Variants in UNC13B observed in about 807,000 individuals in gnomAD.
UNC13B encodes the protein protein unc-13 homolog B.
Under a neutral mutation model 211.0 loss-of-function variants are expected in UNC13B, and 144 were observed. The observed-to-expected ratio is 0.68, with a 90% confidence interval of 0.60 to 0.78. The LOEUF (loss-of-function observed/expected upper bound fraction) is 0.78. Among genes scored for constraint, UNC13B ranks in the 30% least tolerant of loss-of-function variants. The probability of loss-of-function intolerance (pLI) is 0.00; values close to 1 mark genes in which losing one functional copy is unlikely to be tolerated. For synonymous variants in UNC13B, 709 were observed against 725.8 expected (o/e 0.98, Z 0.37); for missense variants, 1,777 against 2,002.0 (o/e 0.89, Z 2.14).
intron 1 of UNC13B, among the ~76,000 whole-genome samples, chr9:35,219,384 A>G (rs1248777491): frequency 6.6e-6 from 1 of 152,148 alleles, no homozygotes; most frequent in Non-Finnish European, 1.5e-5. Flanking sequence ...TGCTAAATTT[A>G]TAGAAAACCA....
chr9:35,256,007 T>G (rs756075709), intron 6 of UNC13B, among the ~76,000 whole-genome samples: 22 of 152,226 alleles, frequency 1.4e-4, no homozygotes, highest in Non-Finnish European at 3.2e-4. Flanking sequence ...AGAAGCAAGA[T>G]GGAACTGGTT....
At chr9:35,352,500 A>G (rs757595545) in intron 11 of UNC13B, 259 of 1,231,992 alleles carry the variant, frequency 2.1e-4, no homozygotes, top group Non-Finnish European at 2.6e-4. Flanking sequence ...TTTCAACAAC[A>G]ACATCAGGAT....
intron 12 of UNC13B, 67 bp downstream of exon 12, chr9:35,367,060 C>G (rs1833819028): frequency 6.7e-7 from 1 of 1,502,932 alleles, no homozygotes; most frequent in African/African-American, 1.4e-5. Flanking sequence ...TAGCTTTTCC[C>G]CTGGGAAGCA....
chr9:35,218,183 A>G (rs1030968566), intron 1 of UNC13B, among the ~76,000 whole-genome samples: 2 of 152,188 alleles, frequency 1.3e-5, no homozygotes, highest in African/African-American at 4.8e-5. Context: ...CTAAGAGCCA[A>G]GGGAAAAGAG....
At chr9:35,339,360 A>T (rs1280432228) in intron 11 of UNC13B, among the ~76,000 whole-genome samples, 1 of 152,158 alleles carries the variant, frequency 6.6e-6, no homozygotes, top group African/African-American at 2.4e-5. Context: ...CCAGGGCCAG[A>T]TCCACTGTGA....
At chr9:35,247,763 T>G in intron 6 of UNC13B, among the ~76,000 whole-genome samples, 1 of 152,204 alleles carries the variant, frequency 6.6e-6, no homozygotes, top group East Asian at 1.9e-4. Context: ...TGTCAGTATT[T>G]TATTAAGGAT....
chr9:35,386,067 G>A (rs1835167525), intron 23 of UNC13B, 98 bp from the exon 24 acceptor site: 4 of 1,554,578 alleles, frequency 2.6e-6, no homozygotes, highest in African/African-American at 1.4e-5. Flanking sequence ...ACCCAGACAG[G>A]GATGAAAGAA....
intron 12 of UNC13B, among the ~76,000 whole-genome samples, chr9:35,369,677 T>C (rs1208387318): frequency 3.3e-5 from 5 of 152,178 alleles, no homozygotes; most frequent in African/African-American, 1.2e-4. Context: ...AATGGTGTTT[T>C]GTTTTGTTTT....
rs1176383206 is a variant in UNC13B at position 35,396,593 on chromosome 9, A to C, written c.11426A>C (p.Glu3809Ala). The change falls in exon 27 of 40, where the codon GAG (glutamate) becomes GCG (alanine). Residue 3809 changes from glutamate to alanine, a missense_variant. Physicochemically the swap from Glu to Ala is moderately radical, Grantham distance 107 (BLOSUM62 -1). Coordinates refer to ENST00000635942, the MANE Select transcript of UNC13B (RefSeq NM_001371189.2). ...CCTGTCCTCCAGGGGCAGGTGCCTG[A>C]GTACCCAGCGTGAGTCATCATGTGG... is the stretch of plus-strand genomic sequence containing the variant. ...DLPVLQGQVPEYPAWFEQFVL... is the reference protein window; with the variant it reads ...DLPVLQGQVPAYPAWFEQFVL... 6.2e-7 allele frequency: 1 copy of C among 1,613,814 alleles called. No individual in the cohort carries two copies. The highest frequency in any genetic ancestry group is 8.5e-7 in the Non-Finnish European group (1 of 1,180,000).
chr9:35,164,825 A>C (rs941616722), intron 1 of UNC13B, among the ~76,000 whole-genome samples: 12 of 152,228 alleles, frequency 7.9e-5, no homozygotes, highest in Middle Eastern at 3.2e-3. Context: ...CCCAGTCCAC[A>C]GTGATCTCTT....
Position 35,201,423 on chromosome 9 carries a change from T to C in UNC13B, c.23-26592T>C, listed in dbSNP as rs897468424. On this transcript the variant is annotated intron_variant, in intron 1 of 39. Transcript: ENST00000635942. ...TCAGAAGGAATGGTACCAGCTTCTC[T>C]TTGTACCTCTGGTAGAATTCAGCTG... Among the ~76,000 whole-genome samples the C allele has an allele frequency of 6.4e-4, 98 of 152,298 alleles. 1 individual carries two copies. The highest frequency in any genetic ancestry group is 2.2e-3 in the African/African-American group (92 of 41,570).
intron 11 of UNC13B, among the ~76,000 whole-genome samples, chr9:35,334,245 CG>C (rs1831528996): frequency 6.6e-6 from 1 of 152,180 alleles, no homozygotes. Context: ...GGATTGCAGG[CG>C]TGAGCCACTG....
chr9:35,213,612 T>G (rs948859164), intron 1 of UNC13B, among the ~76,000 whole-genome samples: 2 of 152,190 alleles, frequency 1.3e-5, no homozygotes, highest in Non-Finnish European at 2.9e-5. Flanking sequence ...TAGCTGGAAA[T>G]AAGATCCTTG....
At chr9:35,352,914 A>T (rs561293219) in intron 11 of UNC13B, 2 of 1,232,190 alleles carry the variant, frequency 1.6e-6, no homozygotes, top group African/African-American at 3.1e-5. Context: ...CCAGAAAATG[A>T]CTGCCACGAT....
chr9:35,353,010 A>G, intron 11 of UNC13B: 1 of 1,232,176 alleles, frequency 8.1e-7, no homozygotes, highest in Non-Finnish European at 1.0e-6. Flanking sequence ...CTGGGCTGCG[A>G]AGCTGGGCTC....
intron 1 of UNC13B, among the ~76,000 whole-genome samples, chr9:35,191,665 T>C (rs899441167): frequency 7.9e-5 from 12 of 152,260 alleles, no homozygotes; most frequent in African/African-American, 2.7e-4. Context: ...TAAACTGGCT[T>C]ATCTGATTTT....
intron 1 of UNC13B, among the ~76,000 whole-genome samples, chr9:35,167,723 G>A (rs1271403168): frequency 6.7e-6 from 1 of 149,628 alleles, no homozygotes; most frequent in Non-Finnish European, 1.5e-5. Flanking sequence ...GAGTAGCTGG[G>A]ATTACAGGTG....
rs542250014 is a variant in UNC13B, at chr9:35,342,439, G to A, written c.9415-24508G>A. The A allele has an allele frequency of 3.7e-4, 326 of 880,698 alleles. No homozygotes were observed. In the African/African-American group the frequency reaches 5.4e-3, roughly 15 times the overall value. 54.6% of individuals were successfully genotyped at this position (880,698 alleles called of 1,614,324 possible). A position where few individuals can be genotyped will look rare whatever the true frequency, so the allele number is the denominator to read the frequency against. ...AATATGGAGCAGCTACATTAATTAC[G>A]TAATTGCTTGAGTCAACTTGCTGGT... On this transcript the variant is annotated intron_variant, in intron 11 of 39. Transcript: ENST00000635942.
In UNC13B at chr9:35,301,397, T is replaced by C. The variant is rs1394879180; in HGVS notation, c.1993T>C (p.Ser665Pro). ...FSRLNPLKIF[S>P]EKEETKKDDD... ...CAGGTTAAATCCATTGAAGATCTTTTCAGAAAAGGAGGAAACAAAAAAAGA... is the reference window on the plus strand; with the variant it reads ...CAGGTTAAATCCATTGAAGATCTTTCCAGAAAAGGAGGAAACAAAAAAAGA... Residue 665 changes from serine (S) to proline (P), a missense_variant, in exon 9 of 40, where the codon TCA becomes CCA. Coordinates refer to ENST00000635942, the MANE Select transcript of UNC13B (RefSeq NM_001371189.2). The C allele has an allele frequency of 5.0e-6, 2 of 398,524 alleles. No homozygotes were observed. Among genetic ancestry groups the C allele is most frequent in the Non-Finnish European group, 8.9e-6 (2 of 225,926 alleles). The allele number at this position is 398,524 out of a possible 1,614,324, so 24.7% of individuals were successfully genotyped here.
Sources: gnomAD v4.1 joint callset for allele counts (sites outside exome capture counted in the v4.1 genomes callset) on GRCh38, gnomAD v4.1.1 for gene constraint, MANE v1.5 for transcripts, NCBI Gene and HGNC (gene_info 2026-07-23, HGNC 2026-07-21) for gene names.